ZNG1F: variants seen among roughly 807,000 people sequenced by gnomAD.
ZNG1F encodes Zn regulated GTPase metalloprotein activator 1F.
the ZNG1F span, among the ~76,000 whole-genome samples, chr9:41,178,651 C>T: frequency 4.2e-5 from 1 of 23,780 alleles, no homozygotes; most frequent in African/African-American, 1.5e-4. Context: ...ACTGCCACCT[C>T]CGCCTCCCGG....
the ZNG1F span, chr9:41,158,865 G>T: frequency 1.1e-5 from 1 of 94,112 alleles, no homozygotes; most frequent in Non-Finnish European, 2.3e-5. Flanking sequence ...CATTAAAATC[G>T]CCAAGAAAAA....
chr9:41,155,416 A>G, the ZNG1F span, among the ~76,000 whole-genome samples: 9 of 144,842 alleles, frequency 6.2e-5, 1 homozygote, highest in South Asian at 6.7e-4. Context: ...GGGACTGTAA[A>G]CTAGTTCAAC....
At chr9:41,141,706 TTA>T in the ZNG1F span, among the ~76,000 whole-genome samples, 1 of 47,370 alleles carries the variant, frequency 2.1e-5, no homozygotes, top group Non-Finnish European at 4.6e-5. Context: ...ACAATAACTT[TTA>T]TATGTTTTCT....
At chr9:41,145,556 A>G in the ZNG1F span, 1 of 501,766 alleles carries the variant, frequency 2.0e-6, no homozygotes, top group Non-Finnish European at 3.4e-6. Context: ...ATATATACAT[A>G]TGCACAGAAT....
chr9:41,155,630 AC>A, the ZNG1F span, among the ~76,000 whole-genome samples: 1 of 114,994 alleles, frequency 8.7e-6, no homozygotes, highest in Non-Finnish European at 1.8e-5. Flanking sequence ...TGGCACATAT[AC>A]ATCATGGAAT....
chr9:41,183,647 C>A, the ZNG1F span: 1 of 1,604,962 alleles, frequency 6.2e-7, no homozygotes, highest in Non-Finnish European at 8.5e-7. Context: ...CTAAGGATTT[C>A]TCCAGCGCAC....
At chr9:41,165,096 G>A in the ZNG1F span, 5 of 1,570,690 alleles carry the variant, frequency 3.2e-6, 1 homozygote, top group Admixed American at 1.8e-5. Context: ...GCCTAAAATA[G>A]CAAACAAAAA....
the ZNG1F span, among the ~76,000 whole-genome samples, chr9:41,150,271 A>T: frequency 6.7e-6 from 1 of 149,856 alleles, no homozygotes; most frequent in Non-Finnish European, 1.5e-5. Context: ...TGACGGGCTT[A>T]AAAAACCGCG....
chr9:41,152,312 T>C, the ZNG1F span, among the ~76,000 whole-genome samples: 1 of 148,860 alleles, frequency 6.7e-6, no homozygotes, highest in Non-Finnish European at 1.5e-5. Context: ...CTATCCTAAA[T>C]ATACATGCAC....
At chr9:41,195,650 G>C in the ZNG1F span, among the ~76,000 whole-genome samples, 1 of 123,286 alleles carries the variant, frequency 8.1e-6, no homozygotes, top group Non-Finnish European at 1.7e-5. Flanking sequence ...GACAAGTTGA[G>C]TGGTGCACCA....
the ZNG1F span, among the ~76,000 whole-genome samples, chr9:41,192,990 C>T: frequency 6.6e-6 from 1 of 151,854 alleles, no homozygotes; most frequent in African/African-American, 2.4e-5. Context: ...GTTTTGAGCC[C>T]CTAAGCATCT....
the ZNG1F span, among the ~76,000 whole-genome samples, chr9:41,138,448 C>T: frequency 3.0e-5 from 1 of 32,892 alleles, no homozygotes; most frequent in African/African-American, 1.6e-4. Context: ...CGACAATGTG[C>T]CTAGATGATG....
At chr9:41,183,008 C>G in the ZNG1F span, among the ~76,000 whole-genome samples, 19 of 45,232 alleles carry the variant, frequency 4.2e-4, no homozygotes, top group African/African-American at 1.7e-3. Context: ...AGTCAAATAC[C>G]TAAGGGAGTA....
chr9:41,169,248 C>T, the ZNG1F span, among the ~76,000 whole-genome samples: 1 of 151,412 alleles, frequency 6.6e-6, no homozygotes, highest in African/African-American at 2.4e-5. Flanking sequence ...AGTATAAAAT[C>T]AATGTCTTCT....
chr9:41,150,385 G>C, the ZNG1F span, among the ~76,000 whole-genome samples: 1,945 of 146,142 alleles, frequency 0.013, 37 homozygotes, highest in Non-Finnish European at 0.021. Flanking sequence ...AGGCGGCAGC[G>C]AGGCTGGGGG....
At chr9:41,154,628 A>T in the ZNG1F span, among the ~76,000 whole-genome samples, 1 of 146,926 alleles carries the variant, frequency 6.8e-6, no homozygotes, top group Non-Finnish European at 1.5e-5. Flanking sequence ...CAGTCACCAA[A>T]ACAGCATGGT....
the ZNG1F span, among the ~76,000 whole-genome samples, chr9:41,146,242 C>T: frequency 2.6e-4 from 35 of 136,846 alleles, no homozygotes; most frequent in Admixed American, 2.7e-3. Flanking sequence ...GGTGAGATCA[C>T]ATTAAATAGC....
the ZNG1F span, among the ~76,000 whole-genome samples, chr9:41,155,170 C>A: frequency 6.6e-6 from 1 of 151,464 alleles, no homozygotes; most frequent in Non-Finnish European, 1.5e-5. Context: ...AAAAAGCAAA[C>A]AACCCCATCA....
At chr9:41,132,628 T>C in the ZNG1F span, 3 of 661,544 alleles carry the variant, frequency 4.5e-6, no homozygotes, top group Non-Finnish European at 6.7e-6. Context: ...AGGATGGTTT[T>C]TCAGTGTTAT....
Sources: gnomAD v4.1 joint callset for allele counts (sites outside exome capture counted in the v4.1 genomes callset) on GRCh38, gnomAD v4.1.1 for gene constraint, MANE v1.5 for transcripts, NCBI Gene and HGNC (gene_info 2026-07-23, HGNC 2026-07-21) for gene names.